CLEC16A: variants seen among roughly 807,000 people sequenced by gnomAD.
The protein encoded by CLEC16A is protein CLEC16A.
Under a neutral mutation model 109.5 loss-of-function variants are expected in CLEC16A, and 51 were observed. That is an observed-to-expected ratio of 0.47 (90% CI 0.37 to 0.59). CLEC16A has a LOEUF of 0.59. Among genes scored for constraint, CLEC16A ranks in the 20% least tolerant of loss-of-function variants. CLEC16A has a pLI of 0.00. For missense variants in CLEC16A, 1,339 were observed against 1,394.0 expected, an observed-to-expected ratio of 0.96 and a Z score of 0.63; for synonymous variants, 673 against 564.2, an observed-to-expected ratio of 1.19 and a Z score of -2.73.
chr16:11,075,799 G>A (rs1030172140), intron 19 of CLEC16A, among the ~76,000 whole-genome samples: 2 of 152,090 alleles, frequency 1.3e-5, no homozygotes, highest in African/African-American at 4.8e-5. Context: ...TCAGGAGGAT[G>A]AGACGCTGCC....
At chr16:11,116,342 C>T (rs1425717951) in intron 19 of CLEC16A, among the ~76,000 whole-genome samples, 2 of 151,924 alleles carry the variant, frequency 1.3e-5, no homozygotes, top group African/African-American at 4.8e-5. Context: ...TTGCAGTGAG[C>T]TGAGATTGTG....
At chr16:11,077,152 C>G (rs183334326) in intron 19 of CLEC16A, among the ~76,000 whole-genome samples, 47 of 150,266 alleles carry the variant, frequency 3.1e-4, no homozygotes, top group Non-Finnish European at 5.5e-4. Flanking sequence ...CAAGACCAGC[C>G]GAGGCAACAT....
chr16:11,178,183 A>T lies in CLEC16A; in HGVS notation c.2807-152A>T, dbSNP rs549715097. ...ATTTTGCAGGTTCTGTGTCCCCAAAAGGAGTGAGTGGAGCCACGCTGAGCC... is the reference window on the plus strand; with the variant it reads ...ATTTTGCAGGTTCTGTGTCCCCAAATGGAGTGAGTGGAGCCACGCTGAGCC... On this transcript the variant is annotated intron_variant, in intron 23 of 23. Coordinates refer to ENST00000409790, the MANE Select transcript of CLEC16A (RefSeq NM_015226.3). This position sits in a 1 kb window ranked among gnomAD's most constrained non-coding sequence, Gnocchi z 6.5. Among the ~76,000 whole-genome samples, 12 of 152,310 alleles carry T rather than the reference A, an allele frequency of 7.9e-5. No homozygotes were observed. Among genetic ancestry groups the T allele is most frequent in the African/African-American group, 2.9e-4 (12 of 41,568 alleles).
chr16:11,050,134 A>G (rs1274381333), intron 17 of CLEC16A, among the ~76,000 whole-genome samples: 1 of 152,224 alleles, frequency 6.6e-6, no homozygotes, highest in Non-Finnish European at 1.5e-5. Flanking sequence ...ACATCATCCC[A>G]TGGTAGAATG....
intron 11 of CLEC16A, among the ~76,000 whole-genome samples, chr16:11,016,985 A>G (rs1212096829): frequency 1.5e-5 from 1 of 66,572 alleles, no homozygotes; most frequent in Non-Finnish European, 2.8e-5. Flanking sequence ...GCCGGGGCCC[A>G]TGTGAATATC....
At chr16:11,142,213 C>T (rs1271515348) in intron 22 of CLEC16A, among the ~76,000 whole-genome samples, 1 of 152,196 alleles carries the variant, frequency 6.6e-6, no homozygotes, top group Non-Finnish European at 1.5e-5. Flanking sequence ...ACTGCTAGGC[C>T]ATCGGACCCC....
chr16:11,126,288 C>T lies in CLEC16A; in HGVS notation c.2641+142C>T, dbSNP rs1366605658. On this transcript the variant is annotated intron_variant, in intron 22 of 23. Transcript: ENST00000409790. Reference sequence around the variant, plus strand: ...GCAGCACCAGCTTCTTAGAATTTGTCAAAGCACAGCGCAAGATTAAACACA... The same window carrying T: ...GCAGCACCAGCTTCTTAGAATTTGTTAAAGCACAGCGCAAGATTAAACACA... The T allele has an allele frequency of 1.9e-6, 3 of 1,547,206 alleles. No homozygotes were observed. In the African/African-American group the frequency reaches 4.1e-5, roughly 21 times the overall value.
rs1399742034 is a variant in CLEC16A, at chr16:11,042,998, A to G, written c.1770+635A>G. Among the ~76,000 whole-genome samples the G allele has an allele frequency of 2.0e-5, 3 of 151,734 alleles. No homozygotes were observed. The East Asian group carries it at 5.8e-4, about 29-fold the overall frequency. On this transcript the variant is annotated intron_variant, in intron 15 of 23. Transcript: ENST00000409790. The stretch of plus-strand genomic sequence containing the variant: ...TGTAATATGTAAATATGTACATGTG[A>G]ATATATGTAAATGAAACATCTATTT...
At chr16:11,164,053 G>A (rs955730183) in intron 22 of CLEC16A, among the ~76,000 whole-genome samples, 2 of 152,128 alleles carry the variant, frequency 1.3e-5, no homozygotes, top group Non-Finnish European at 2.9e-5. Context: ...TTTGCCGGAT[G>A]TTTGCCATAG....
chr16:10,968,877 C>T (rs1294808308), intron 3 of CLEC16A, among the ~76,000 whole-genome samples: 1 of 152,084 alleles, frequency 6.6e-6, no homozygotes, highest in African/African-American at 2.4e-5. Context: ...CTTTGTTGCA[C>T]TTTGCCATCA....
chr16:10,980,681 A>G (rs569653992), intron 9 of CLEC16A, among the ~76,000 whole-genome samples: 2 of 152,246 alleles, frequency 1.3e-5, no homozygotes, highest in African/African-American at 4.8e-5. Context: ...TTGTTTCAGT[A>G]TCTCACAGAA....
intron 12 of CLEC16A, among the ~76,000 whole-genome samples, chr16:11,021,915 A>T (rs1478839080): frequency 6.6e-6 from 1 of 152,202 alleles, no homozygotes; most frequent in Non-Finnish European, 1.5e-5. Flanking sequence ...GGCTTTGCTA[A>T]TGGAAGAGAA....
chr16:11,171,113 G>T (rs755034648), intron 23 of CLEC16A, among the ~76,000 whole-genome samples: 2 of 152,200 alleles, frequency 1.3e-5, no homozygotes, highest in South Asian at 2.1e-4. Context: ...CCGTGGGCAG[G>T]GGGGAGGACA....
At chr16:10,972,405 C>T (rs2042835329) in intron 5 of CLEC16A, 149 bp from the exon 6 acceptor site, 1 of 686,660 alleles carries the variant, frequency 1.5e-6, no homozygotes, top group Non-Finnish European at 2.6e-6. Context: ...CTCCTGTCTC[C>T]TTCTAACCTT....
chr16:11,098,650 G>T (rs540039705), intron 19 of CLEC16A, among the ~76,000 whole-genome samples: 1 of 152,332 alleles, frequency 6.6e-6, no homozygotes, highest in East Asian at 1.9e-4. Flanking sequence ...TCTGCACTTT[G>T]TCCCAGTACC....
chr16:11,157,635 G>C (rs2054582841), intron 22 of CLEC16A, among the ~76,000 whole-genome samples: 1 of 152,204 alleles, frequency 6.6e-6, no homozygotes, highest in African/African-American at 2.4e-5. Context: ...CCACATGTCA[G>C]TGAATGCTTT....
chr16:10,982,299 CTCG>C (rs898773173), intron 9 of CLEC16A, among the ~76,000 whole-genome samples: 1 of 152,158 alleles, frequency 6.6e-6, no homozygotes, highest in Non-Finnish European at 1.5e-5. Flanking sequence ...TTGCCTCTGT[CTCG>C]TGTGATTTTC....
chr16:11,011,602 C>G (rs1021140804), intron 11 of CLEC16A, among the ~76,000 whole-genome samples: 3 of 152,122 alleles, frequency 2.0e-5, no homozygotes, highest in African/African-American at 7.2e-5. Flanking sequence ...TGTCCATGGG[C>G]AGGGGTATTA....
chr16:11,157,906 G>A (rs539553072), intron 22 of CLEC16A, among the ~76,000 whole-genome samples: 4 of 152,260 alleles, frequency 2.6e-5, no homozygotes, highest in Admixed American at 1.3e-4. Flanking sequence ...TCTTGCCAGG[G>A]TGTAGGATCC....
Sources: gnomAD v4.1 joint callset for allele counts (sites outside exome capture counted in the v4.1 genomes callset) on GRCh38, gnomAD v4.1.1 for gene constraint, Gnocchi (gnomAD v3.1) non-coding constraint, MANE v1.5 for transcripts, NCBI Gene and HGNC (gene_info 2026-07-23, HGNC 2026-07-21) for gene names.